Variants in RBFOX2 observed in about 807,000 individuals in gnomAD.
RBFOX2 encodes the protein RNA binding fox-1 homolog 2.
RBFOX2 carries 10 observed loss-of-function variants against 49.1 expected under a neutral mutation model. The ratio of observed to expected loss-of-function variants is 0.20; its 90% CI spans 0.13 to 0.35. RBFOX2 has a LOEUF of 0.35. Among genes scored for constraint, RBFOX2 ranks in the 10% least tolerant of loss-of-function variants. The pLI, the probability that RBFOX2 is intolerant of heterozygous loss-of-function variation, is 1.00. For missense variants in RBFOX2, 323 were observed against 486.9 expected, an observed-to-expected ratio of 0.66 and a Z score of 3.17; for synonymous variants, 183 against 187.4, an observed-to-expected ratio of 0.98 and a Z score of 0.19.
chr22:35,772,073 A>G (rs1284460414), intron 4 of RBFOX2, among the ~76,000 whole-genome samples: 1 of 152,174 alleles, frequency 6.6e-6, no homozygotes, highest in Non-Finnish European at 1.5e-5. Context: ...CCGGTATAAT[A>G]TATGTAACAA....
In RBFOX2 at chr22:35,756,093, G is replaced by A; in HGVS notation, c.887+3795C>T. ...GGGATGGGGTCGAGAAGGCCCCAGT[G>A]TGTGTACTTACATAGAGGTCAGCAC... On this transcript the variant is annotated intron_variant, in intron 9 of 11. Coordinates refer to ENST00000405409, the Ensembl canonical transcript of RBFOX2. 5.6e-6 allele frequency: 8 copies of A among 1,431,890 alleles called. No homozygotes were observed. Among genetic ancestry groups the A allele is most frequent in the Non-Finnish European group, 6.5e-6 (7 of 1,081,046 alleles). The allele number at this position is 1,431,890 out of a possible 1,614,324, so 88.7% of individuals were successfully genotyped here.
intron 2 of RBFOX2, among the ~76,000 whole-genome samples, chr22:35,804,446 T>A (rs1239240541): frequency 6.6e-6 from 1 of 151,974 alleles, no homozygotes; most frequent in Non-Finnish European, 1.5e-5. Context: ...CCTAGACACA[T>A]CATAGAGAAA....
chr22:35,891,742 T>C (rs760693785), intron 1 of RBFOX2, among the ~76,000 whole-genome samples: 9 of 152,222 alleles, frequency 5.9e-5, no homozygotes, highest in South Asian at 2.1e-4. Flanking sequence ...AACAAGTAAG[T>C]TGCCTCAGTA....
At chr22:35,822,826 T>C (rs1954813959) in intron 1 of RBFOX2, 1 of 424,966 alleles carries the variant, frequency 2.4e-6, no homozygotes, top group South Asian at 1.7e-5. Context: ...CTTTGGGTTG[T>C]CTTTTTTTTT....
At chr22:35,931,637 T>C (rs1368831587) in intron 1 of RBFOX2, among the ~76,000 whole-genome samples, 3 of 152,134 alleles carry the variant, frequency 2.0e-5, no homozygotes, top group African/African-American at 7.2e-5. Context: ...TAGCTGGGCA[T>C]GGAGGTGCAC....
At chr22:35,784,977 C>G (rs1022419223) in intron 2 of RBFOX2, among the ~76,000 whole-genome samples, 3 of 152,160 alleles carry the variant, frequency 2.0e-5, no homozygotes, top group African/African-American at 7.2e-5. Context: ...GGTGGACATG[C>G]ATTTATTTAT....
At chr22:35,915,598 T>C (rs2050322749) in intron 1 of RBFOX2, among the ~76,000 whole-genome samples, 1 of 152,170 alleles carries the variant, frequency 6.6e-6, no homozygotes, top group Admixed American at 6.5e-5. Flanking sequence ...ACAGCCACAA[T>C]GAAATTTTAA....
At chr22:35,991,366 A>G (rs967804156) in intron 1 of RBFOX2, among the ~76,000 whole-genome samples, 1 of 152,174 alleles carries the variant, frequency 6.6e-6, no homozygotes, top group African/African-American at 2.4e-5. Context: ...GATGGCCACA[A>G]GTATTTACAT....
chr22:35,756,274 T>A, intron 9 of RBFOX2, 130 bp from the exon 11 acceptor site: 1 of 699,010 alleles, frequency 1.4e-6, no homozygotes, highest in South Asian at 6.1e-5. Flanking sequence ...TAACCTGGGC[T>A]TGGGGCCTCG....
intron 1 of RBFOX2, among the ~76,000 whole-genome samples, chr22:35,871,148 A>G (rs1006798898): frequency 2.6e-5 from 4 of 152,176 alleles, no homozygotes; most frequent in Non-Finnish European, 4.4e-5. Flanking sequence ...CATTTATGCT[A>G]ATTACCTGGG....
At position 35,968,729 on chromosome 22, in the gene RBFOX2, T is replaced by C. The variant is rs184444152; in HGVS notation, c.187-29832A>G. The stretch of plus-strand genomic sequence containing the variant: ...TACACCTACTATGGTCCCATAGTGC[T>C]AGGCACCATGAATACAGGTGTGGAA... On this transcript the variant is annotated intron_variant, in intron 1 of 13. Transcript: ENST00000438146. Among the ~76,000 whole-genome samples, 29 of 152,328 alleles carry C rather than the reference T, an allele frequency of 1.9e-4. No homozygotes were observed. In the South Asian group the frequency reaches 2.3e-3, roughly 12 times the overall value.
chr22:35,789,299 T>C (rs1184976763), intron 2 of RBFOX2, among the ~76,000 whole-genome samples: 2 of 152,108 alleles, frequency 1.3e-5, no homozygotes, highest in African/African-American at 4.8e-5. Context: ...TCCCAGCACT[T>C]TGGGAGGCTG....
intron 1 of RBFOX2, among the ~76,000 whole-genome samples, chr22:35,864,137 C>A (rs1267895548): frequency 2.6e-5 from 4 of 152,098 alleles, no homozygotes; most frequent in African/African-American, 9.7e-5. Flanking sequence ...GCATAAAAGA[C>A]CTTTTTACCT....
intron 1 of RBFOX2, among the ~76,000 whole-genome samples, chr22:35,880,070 C>A (rs1383426765): frequency 6.6e-6 from 1 of 152,010 alleles, no homozygotes; most frequent in Non-Finnish European, 1.5e-5. Flanking sequence ...TCACAAGAAT[C>A]GCTTGAACCT....
chr22:36,017,078 G>A (rs936445732), intron 1 of RBFOX2, among the ~76,000 whole-genome samples: 1 of 152,184 alleles, frequency 6.6e-6, no homozygotes, highest in Non-Finnish European at 1.5e-5. Context: ...CAGCCAGAGA[G>A]AATTCTTATA....
intron 7 of RBFOX2, 31 bp from the exon 9 acceptor site, chr22:35,761,325 C>T (rs777968944): frequency 1.2e-6 from 2 of 1,613,154 alleles, no homozygotes; most frequent in African/African-American, 2.7e-5. Flanking sequence ...TTTAAAAATG[C>T]AAGAAGATTA....
intron 2 of RBFOX2, among the ~76,000 whole-genome samples, chr22:35,788,888 G>A (rs1456567122): frequency 2.0e-5 from 3 of 152,082 alleles, no homozygotes; most frequent in Non-Finnish European, 4.4e-5. Flanking sequence ...TGATTCTCAC[G>A]CTACACATTT....
upstream of RBFOX2, among the ~76,000 whole-genome samples, chr22:35,966,531 G>C (rs919994910): frequency 3.3e-5 from 5 of 152,112 alleles, no homozygotes; most frequent in African/African-American, 1.2e-4. Context: ...AGTCATTCTG[G>C]AGGTAGTGTG....
At chr22:35,863,882 G>C (rs1022392148) in intron 1 of RBFOX2, among the ~76,000 whole-genome samples, 3 of 152,104 alleles carry the variant, frequency 2.0e-5, no homozygotes, top group South Asian at 2.1e-4. Flanking sequence ...ATTAGAAATC[G>C]AAGTTGCCCC....
Sources: gnomAD v4.1 joint callset for allele counts (sites outside exome capture counted in the v4.1 genomes callset) on GRCh38, gnomAD v4.1.1 for gene constraint, MANE v1.5 for transcripts, NCBI Gene and HGNC (gene_info 2026-07-23, HGNC 2026-07-21) for gene names.